HIVEP3: variants seen among roughly 807,000 people sequenced by gnomAD.
HIVEP3 encodes the protein transcription factor HIVEP3.
In HIVEP3, 49 loss-of-function variants were observed where a neutral mutation model predicts 152.8. The ratio of observed to expected loss-of-function variants is 0.32; its 90% CI spans 0.26 to 0.41. The LOEUF (loss-of-function observed/expected upper bound fraction) is 0.41, where lower values mean the gene tolerates loss of function less well. HIVEP3 is among the 10% of genes least tolerant of loss of function. HIVEP3 has a pLI of 1.00. For missense variants in HIVEP3, 2,790 were observed against 3,103.3 expected, an observed-to-expected ratio of 0.90 and a Z score of 2.40; for synonymous variants, 1,269 against 1,289.0, an observed-to-expected ratio of 0.98 and a Z score of 0.33.
intron 3 of HIVEP3, among the ~76,000 whole-genome samples, chr1:41,597,019 G>A (rs1644677631): frequency 6.6e-6 from 1 of 152,078 alleles, no homozygotes; most frequent in African/African-American, 2.4e-5. Flanking sequence ...CACTGTCTGG[G>A]AGGCTCTTAA....
At chr1:41,695,069 A>T (rs146902382) in intron 2 of HIVEP3, among the ~76,000 whole-genome samples, 64 of 152,342 alleles carry the variant, frequency 4.2e-4, no homozygotes, top group African/African-American at 1.5e-3. Flanking sequence ...GTTTCCCCCA[A>T]AGCTGTATGA....
intron 2 of HIVEP3, among the ~76,000 whole-genome samples, chr1:41,687,855 C>T (rs1646136472): frequency 6.6e-6 from 1 of 152,200 alleles, no homozygotes; most frequent in Admixed American, 6.5e-5. Flanking sequence ...TATGAGCTAT[C>T]AGAAAATGAA....
At chr1:41,929,724 T>TATATATA in intron 1 of HIVEP3, among the ~76,000 whole-genome samples, 1 of 30,590 alleles carries the variant, frequency 3.3e-5, no homozygotes, top group South Asian at 3.4e-3. Context: ...GTATATGTGT[T>TATATATA]TTTATATATA....
At chr1:41,914,168 A>G (rs1299015866) in intron 1 of HIVEP3, among the ~76,000 whole-genome samples, 2 of 152,178 alleles carry the variant, frequency 1.3e-5, no homozygotes, top group Admixed American at 1.3e-4. Context: ...CTGCCTCCCA[A>G]GCACATATTT....
rs10655770 is a variant in HIVEP3 at position 41,598,806 on chromosome 1, GTTAT to G, written c.-521-13492_-521-13489del. Among the ~76,000 whole-genome samples the G allele has an allele frequency of 6.9e-3, 1,012 of 147,112 alleles. 4 individuals carry two copies. Among genetic ancestry groups the G allele is most frequent in the African/African-American group, 0.019 (770 of 39,962 alleles). On this transcript the variant is annotated intron_variant, in intron 3 of 8. Transcript: ENST00000372583. The stretch of plus-strand genomic sequence containing the variant: ...ACTCCCACACATACAGTCACATGAT[GTTAT>G]TTATTTATTTATTTATTTATTTAGG...
At position 41,607,433 on chromosome 1, in the gene HIVEP3, A is replaced by C. The variant is rs184958359; in HGVS notation, c.-522+21316T>G. On this transcript the variant is annotated intron_variant, in intron 3 of 8. Transcript: ENST00000372583. ...TTTCAGCAAGTATTTCCTTTCCTCC[A>C]ATTGTGCTATCTTCATAGCAACCTG... is the stretch of plus-strand genomic sequence containing the variant. Among the ~76,000 whole-genome samples, 51 of 152,342 alleles carry C rather than the reference A, an allele frequency of 3.3e-4. 1 individual carries two copies. The East Asian group carries it at 8.1e-3, about 24-fold the overall frequency.
intron 5 of HIVEP3, among the ~76,000 whole-genome samples, chr1:41,534,604 C>T (rs945242613): frequency 3.3e-5 from 5 of 152,340 alleles, no homozygotes; most frequent in East Asian, 1.9e-4. Context: ...ATCATCCCTG[C>T]GCGGGTGAGG....
At chr1:41,830,637 C>T (rs1018677856) in intron 1 of HIVEP3, among the ~76,000 whole-genome samples, 8 of 152,326 alleles carry the variant, frequency 5.3e-5, no homozygotes, top group Admixed American at 6.5e-5. Context: ...GCTCCTTTGC[C>T]GCAATGTGGG....
intron 5 of HIVEP3, among the ~76,000 whole-genome samples, chr1:41,545,590 TCACCAC>T (rs1392801049): frequency 1.5e-4 from 3 of 20,158 alleles, no homozygotes; most frequent in East Asian, 1.5e-3. Flanking sequence ...ACCATCACCA[TCACCAC>T]CACCACCACC....
At chr1:41,607,750 A>G (rs561882233) in intron 3 of HIVEP3, among the ~76,000 whole-genome samples, 3 of 152,356 alleles carry the variant, frequency 2.0e-5, no homozygotes, top group Admixed American at 2.0e-4. Context: ...TCCTATAACA[A>G]GGACCTAACT....
chr1:41,950,179 T>C (rs1489953376), intron 1 of HIVEP3, among the ~76,000 whole-genome samples: 1 of 152,142 alleles, frequency 6.6e-6, no homozygotes, highest in Non-Finnish European at 1.5e-5. Context: ...TCATCTATCG[T>C]CTGAGAGCAT....
chr1:41,567,592 C>T lies in HIVEP3; in HGVS notation c.5207+7952G>A, dbSNP rs934051876. On this transcript the variant is annotated intron_variant, in intron 5 of 8. Transcript: ENST00000372583. ...CAGGGATAAGGCAGGGCCCTGATAG[C>T]CTAGACCCACCCCAGAAGAAGAGCA... Among the ~76,000 whole-genome samples the T allele has an allele frequency of 3.9e-5, 6 of 152,166 alleles. No individual in the cohort carries two copies. In the East Asian group the frequency reaches 9.6e-4, roughly 24 times the overall value.
At chr1:41,905,571 T>G (rs903268805) in intron 1 of HIVEP3, among the ~76,000 whole-genome samples, 2 of 152,248 alleles carry the variant, frequency 1.3e-5, no homozygotes, top group African/African-American at 2.4e-5. Context: ...GGTACTGTTA[T>G]CCTCACTTTG....
intron 2 of HIVEP3, among the ~76,000 whole-genome samples, chr1:41,641,708 C>T (rs892117958): frequency 6.6e-5 from 10 of 152,344 alleles, no homozygotes; most frequent in Non-Finnish European, 1.5e-4. Context: ...ACACTGCTTA[C>T]AGGGGGTGAC....
At position 41,585,217 on chromosome 1, in the gene HIVEP3, C is replaced by T. The variant is rs552845636; in HGVS notation, c.-420G>A. On this transcript the variant is annotated 5_prime_UTR_variant, in exon 4 of 9. Transcript: ENST00000372583. ...TGTCCATGGCCCAGTCATCCCTGGTCCTGGCACAAGAGATGCCACGCTGGA... is the reference window on the plus strand; with the variant it reads ...TGTCCATGGCCCAGTCATCCCTGGTTCTGGCACAAGAGATGCCACGCTGGA... The T allele has an allele frequency of 2.5e-6, 1 of 399,022 alleles. No individual in the cohort carries two copies. The highest frequency in any genetic ancestry group is 4.4e-6 in the Non-Finnish European group (1 of 226,190). 24.7% of individuals were successfully genotyped at this position (399,022 alleles called of 1,614,324 possible). A position where few individuals can be genotyped will look rare whatever the true frequency, so the allele number is the denominator to read the frequency against.
At chr1:41,655,816 C>T (rs1645621202) in intron 2 of HIVEP3, among the ~76,000 whole-genome samples, 2 of 152,132 alleles carry the variant, frequency 1.3e-5, no homozygotes, top group South Asian at 4.1e-4. Flanking sequence ...TGCTGTACCC[C>T]AGTGCCTAGA....
chr1:41,544,826 C>CTCT lies in HIVEP3; in HGVS notation c.5208-19917_5208-19916insAGA, dbSNP rs1390558917. The stretch of plus-strand genomic sequence containing the variant: ...CCACCACCACTACCACCTCTACCAC[C>CTCT]ACCATCACCACCACCACTACCACCA... On this transcript the variant is annotated intron_variant, in intron 5 of 8. Coordinates refer to ENST00000372583, the MANE Select transcript of HIVEP3 (RefSeq NM_024503.5). 9.5e-4 allele frequency among the ~76,000 whole-genome samples: 121 copies of CTCT among 126,728 alleles called. 7 individuals carry two copies. Among genetic ancestry groups the CTCT allele is most frequent in the African/African-American group, 3.3e-3 (103 of 31,032 alleles). The allele number at this position is 126,728 out of a possible 152,430, so 83.1% of individuals were successfully genotyped here.
intron 3 of HIVEP3, among the ~76,000 whole-genome samples, chr1:41,612,588 C>T (rs943117332): frequency 5.9e-5 from 9 of 152,218 alleles, no homozygotes; most frequent in African/African-American, 2.2e-4. Flanking sequence ...GGATCCACAG[C>T]TCAGGACTCT....
At chr1:41,544,684 C>T (rs1489250813) in intron 5 of HIVEP3, among the ~76,000 whole-genome samples, 26 of 104,450 alleles carry the variant, frequency 2.5e-4, no homozygotes, top group African/African-American at 8.9e-4. Context: ...ACCACCTCTA[C>T]CACCACTGCT....
Sources: allele counts gnomAD v4.1 joint callset (sites outside exome capture counted in the v4.1 genomes callset), GRCh38; gene constraint gnomAD v4.1.1; transcripts MANE v1.5; gene names NCBI Gene and HGNC (gene_info 2026-07-23, HGNC 2026-07-21).